Variants in MAF observed in about 807,000 individuals in gnomAD.
MAF encodes MAF bZIP transcription factor.
MAF carries 10 observed loss-of-function variants against 22.0 expected under a neutral mutation model. The ratio of observed to expected loss-of-function variants is 0.45; its 90% CI spans 0.28 to 0.77. MAF has a LOEUF of 0.77. MAF is among the 30% of genes least tolerant of loss of function. The pLI is 0.12. For synonymous variants in MAF, 337 were observed against 255.8 expected, an observed-to-expected ratio of 1.32 and a Z score of -3.03; for missense variants, 544 against 548.4, an observed-to-expected ratio of 0.99 and a Z score of 0.08.
the MAF span, among the ~76,000 whole-genome samples, chr16:79,348,615 TATC>T: frequency 4.6e-5 from 7 of 152,236 alleles, no homozygotes; most frequent in Non-Finnish European, 1.0e-4. Flanking sequence ...AAAGTGTCCG[TATC>T]ATCATATCAG....
At chr16:79,342,282 G>A in the MAF span, among the ~76,000 whole-genome samples, 1 of 152,112 alleles carries the variant, frequency 6.6e-6, no homozygotes, top group African/African-American at 2.4e-5. Flanking sequence ...AGTGCCCCTT[G>A]CCAAGAAAGA....
At chr16:79,309,536 A>G in the MAF span, among the ~76,000 whole-genome samples, 1 of 152,220 alleles carries the variant, frequency 6.6e-6, no homozygotes, top group Admixed American at 6.5e-5. Flanking sequence ...TGCATTACAG[A>G]GCACGAATAT....
chr16:79,238,131 T>C, the MAF span, among the ~76,000 whole-genome samples: 1 of 152,088 alleles, frequency 6.6e-6, no homozygotes, highest in Admixed American at 6.6e-5. Flanking sequence ...TCTGACCCTT[T>C]CTGAGGCTCT....
chr16:79,588,495 C>G (rs151176907), intron 1 of MAF, among the ~76,000 whole-genome samples: 1 of 151,870 alleles, frequency 6.6e-6, no homozygotes, highest in Non-Finnish European at 1.5e-5. Flanking sequence ...AGTGCAGTGG[C>G]GCAATCTGGG....
the MAF span, among the ~76,000 whole-genome samples, chr16:79,292,206 G>A: frequency 1.3e-5 from 2 of 152,274 alleles, no homozygotes; most frequent in South Asian, 4.1e-4. Flanking sequence ...TTTGGAAATA[G>A]TGTCTTTGCT....
At chr16:79,546,755 C>G in the MAF span, among the ~76,000 whole-genome samples, 6 of 152,224 alleles carry the variant, frequency 3.9e-5, no homozygotes, top group East Asian at 1.2e-3. Context: ...AGAGCCCCTG[C>G]CTCGTGTGCA....
chr16:79,387,759 C>G, the MAF span, among the ~76,000 whole-genome samples: 1 of 152,158 alleles, frequency 6.6e-6, no homozygotes, highest in Non-Finnish European at 1.5e-5. Flanking sequence ...GTGCTACTTA[C>G]AAGTAACTGT....
chr16:79,367,025 A>T, the MAF span, among the ~76,000 whole-genome samples: 1 of 152,146 alleles, frequency 6.6e-6, no homozygotes, highest in Non-Finnish European at 1.5e-5. Context: ...TGAAAAACTC[A>T]AGGTTTTTTT....
intron 1 of MAF, chr16:79,598,468 AAAAC>A: frequency 7.7e-7 from 1 of 1,302,318 alleles, no homozygotes; most frequent in Non-Finnish European, 9.8e-7. Flanking sequence ...AAAAAAAAAA[AAAAC>A]AAGCTAGCAA....
At chr16:79,205,891 A>G in the MAF span, 6 of 152,160 alleles carry the variant, frequency 3.9e-5, no homozygotes, top group Admixed American at 1.3e-4. Flanking sequence ...GGGAACTGAT[A>G]AGATGGGGGT....
the MAF span, among the ~76,000 whole-genome samples, chr16:79,549,519 C>G: frequency 2.6e-5 from 4 of 152,216 alleles, no homozygotes; most frequent in Non-Finnish European, 5.9e-5. Context: ...GTGGTTTCAG[C>G]AAGAGACTGA....
At chr16:79,314,624 C>G in the MAF span, among the ~76,000 whole-genome samples, 1 of 152,302 alleles carries the variant, frequency 6.6e-6, no homozygotes, top group South Asian at 2.1e-4. Flanking sequence ...AAGCCAGAGC[C>G]AATTCAGGAA....
At chr16:79,471,434 G>C in the MAF span, among the ~76,000 whole-genome samples, 1 of 152,194 alleles carries the variant, frequency 6.6e-6, no homozygotes, top group Non-Finnish European at 1.5e-5. Context: ...AAGGCAGGCA[G>C]ATTGCTTGAG....
downstream of MAF, among the ~76,000 whole-genome samples, chr16:79,583,583 A>G (rs1361038562): frequency 6.6e-6 from 1 of 152,220 alleles, no homozygotes; most frequent in East Asian, 1.9e-4. Flanking sequence ...GAGCTTAGAC[A>G]TGAGCACGCT....
At chr16:79,554,192 C>T in the MAF span, among the ~76,000 whole-genome samples, 1 of 152,178 alleles carries the variant, frequency 6.6e-6, no homozygotes. Flanking sequence ...GAGCTAGCAA[C>T]TACACAGATT....
the MAF span, among the ~76,000 whole-genome samples, chr16:79,469,003 G>C: frequency 1.3e-5 from 2 of 152,050 alleles, no homozygotes; most frequent in East Asian, 1.9e-4. Flanking sequence ...ATGTTTTGTA[G>C]AGGCTACAAG....
chr16:79,445,940 A>G, the MAF span, among the ~76,000 whole-genome samples: 1 of 152,116 alleles, frequency 6.6e-6, no homozygotes, highest in Non-Finnish European at 1.5e-5. Flanking sequence ...TCAGACACTG[A>G]CTCTTATTAA....
the MAF span, among the ~76,000 whole-genome samples, chr16:79,256,063 C>G: frequency 1.4e-5 from 2 of 147,434 alleles, no homozygotes; most frequent in African/African-American, 5.0e-5. Context: ...CTCACTGCAA[C>G]CTCTGCCTTC....
At chr16:79,379,056 C>T in the MAF span, among the ~76,000 whole-genome samples, 4 of 152,286 alleles carry the variant, frequency 2.6e-5, no homozygotes, top group Non-Finnish European at 4.4e-5. Flanking sequence ...TGCCAGGAGG[C>T]ATCAGCTTTT....
Sources: gnomAD v4.1 joint callset for allele counts (sites outside exome capture counted in the v4.1 genomes callset) on GRCh38, gnomAD v4.1.1 for gene constraint, MANE v1.5 for transcripts, NCBI Gene and HGNC (gene_info 2026-07-23, HGNC 2026-07-21) for gene names.